Variants in ARHGAP26 observed in about 807,000 individuals in gnomAD.
The protein encoded by ARHGAP26 is rho GTPase-activating protein 26.
A neutral mutation model predicts 104.8 loss-of-function variants in ARHGAP26; 38 were observed. That is an observed-to-expected ratio of 0.36 (90% CI 0.28 to 0.48). The LOEUF is 0.48. Among genes scored for constraint, ARHGAP26 ranks in the 20% least tolerant of loss-of-function variants. The pLI is 0.99. For missense variants in ARHGAP26, 704 were observed against 947.9 expected (o/e 0.74, Z 3.38); for synonymous variants, 341 against 340.0 (o/e 1.00, Z -0.03).
intron 11 of ARHGAP26, among the ~76,000 whole-genome samples, chr5:143,013,452 T>C (rs1272551429): frequency 1.3e-5 from 2 of 152,226 alleles, no homozygotes; most frequent in Non-Finnish European, 2.9e-5. Flanking sequence ...CTTTTTGTGA[T>C]TTACATTATT....
chr5:143,185,463 T>C (rs76245298), intron 20 of ARHGAP26, among the ~76,000 whole-genome samples: 5,164 of 152,320 alleles, frequency 0.034, 304 homozygotes, highest in African/African-American at 0.12. Flanking sequence ...CTCCTTTTTT[T>C]CTTTTACCAA....
Position 143,227,737 on chromosome 5 carries a change from A to T in ARHGAP26, c.*5291A>T. ...GTCTTCCAGTGGAAGCACCTGTATT[A>T]TTGAGAGGAAAAAGTGTTGGATGCA... is the stretch of plus-strand genomic sequence containing the variant. On this transcript the variant is annotated 3_prime_UTR_variant, in exon 23 of 23. Transcript: ENST00000645722. The T allele has an allele frequency of 4.4e-6, 1 of 226,682 alleles. No individual in the cohort carries two copies. Among genetic ancestry groups the T allele is most frequent in the Non-Finnish European group, 8.8e-6 (1 of 113,988 alleles). 14.0% of individuals were successfully genotyped at this position (226,682 alleles called of 1,614,324 possible). A position where few individuals can be genotyped will look rare whatever the true frequency, so the allele number is the denominator to read the frequency against.
At chr5:143,155,988 T>C (rs1800425076) in intron 20 of ARHGAP26, among the ~76,000 whole-genome samples, 1 of 152,240 alleles carries the variant, frequency 6.6e-6, no homozygotes, top group Admixed American at 6.5e-5. Flanking sequence ...TTAGGCATTT[T>C]AAATCTCAAA....
chr5:143,207,415 C>T (rs891524472), intron 21 of ARHGAP26, 107 bp downstream of exon 21: 2 of 1,614,056 alleles, frequency 1.2e-6, no homozygotes, highest in African/African-American at 2.7e-5. Context: ...TGTTCCCTGC[C>T]ATCCAAACCT....
chr5:143,228,149 A>T lies in ARHGAP26; in HGVS notation c.*5703A>T. 4.4e-6 allele frequency: 1 copy of T among 226,202 alleles called. No individual in the cohort carries two copies. The highest frequency in any genetic ancestry group is 8.8e-6 in the Non-Finnish European group (1 of 113,694). The allele number at this position is 226,202 out of a possible 1,614,324, so 14.0% of individuals were successfully genotyped here. ...CAACCATTTCTACAAAGTTGTCCAG[A>T]CACCTAAAAGCAGCTTTCTTGGTTA... On this transcript the variant is annotated 3_prime_UTR_variant, in exon 23 of 23. Transcript: ENST00000645722.
Position 142,770,901 on chromosome 5 carries a change from T to C in ARHGAP26, c.140T>C (p.Ile47Thr), listed in dbSNP as rs147221601. 1.9e-6 allele frequency: 3 copies of C among 1,608,630 alleles called. No homozygotes were observed. Among genetic ancestry groups the C allele is most frequent in the African/African-American group, 2.7e-5 (2 of 74,480 alleles). ...KELIKDGKSL[I>T]SALKNLSSAK... ...CTCATCAAGGACGGGAAGTCACTCA[T>C]AAGCGCGCTCAAGAGTGAGTGTCCC... Residue 47 changes from isoleucine to threonine, a missense_variant, in exon 1 of 23, where the codon ATA (isoleucine) becomes ACA (threonine). By Grantham distance (89) the Ile-to-Thr change is moderately conservative. Transcript: ENST00000645722.
In ARHGAP26 at chr5:143,227,016, G is replaced by C. The variant is rs1811729506; in HGVS notation, c.*4570G>C. The C allele has an allele frequency of 4.4e-6, 1 of 228,922 alleles. No homozygotes were observed. The highest frequency in any genetic ancestry group is 5.7e-5 in the Admixed American group (1 of 17,644). The allele number at this position is 228,922 out of a possible 1,614,324, so 14.2% of individuals were successfully genotyped here. ...TGTCTTGACTGCAGAGGCTCCAAAAGCATTCACAGTTGAGGGGGAGAAAGA... is the reference window on the plus strand; with the variant it reads ...TGTCTTGACTGCAGAGGCTCCAAAACCATTCACAGTTGAGGGGGAGAAAGA... On this transcript the variant is annotated 3_prime_UTR_variant, in exon 23 of 23. Coordinates refer to ENST00000645722, the MANE Select transcript of ARHGAP26 (RefSeq NM_001135608.3).
intron 13 of ARHGAP26, among the ~76,000 whole-genome samples, chr5:143,041,008 G>C (rs1783380486): frequency 1.3e-5 from 2 of 152,232 alleles, no homozygotes; most frequent in Non-Finnish European, 2.9e-5. Context: ...ACTGGTTGAA[G>C]AATGGACATC....
intron 1 of ARHGAP26, among the ~76,000 whole-genome samples, chr5:142,826,281 C>T (rs1025484517): frequency 3.3e-5 from 5 of 152,182 alleles, no homozygotes; most frequent in Non-Finnish European, 7.3e-5. Flanking sequence ...ATTGTCCATA[C>T]ACTTGTCATG....
At chr5:143,097,275 G>A (rs74801894) in intron 17 of ARHGAP26, among the ~76,000 whole-genome samples, 1,561 of 150,466 alleles carry the variant, frequency 0.01, 33 homozygotes, top group East Asian at 0.086. Context: ...AACCTGGGAC[G>A]TGGAGGTTGC....
intron 14 of ARHGAP26, among the ~76,000 whole-genome samples, chr5:143,042,606 G>C (rs1783635797): frequency 6.6e-6 from 1 of 152,244 alleles, no homozygotes; most frequent in Non-Finnish European, 1.5e-5. Flanking sequence ...AAACAGATCA[G>C]GTTTCACAGA....
chr5:142,946,391 A>G (rs906959212), intron 11 of ARHGAP26, among the ~76,000 whole-genome samples: 1 of 152,152 alleles, frequency 6.6e-6, no homozygotes, highest in Non-Finnish European at 1.5e-5. Context: ...ACCCTCTTTC[A>G]GATATTGGGC....
intron 22 of ARHGAP26, among the ~76,000 whole-genome samples, chr5:143,216,995 TG>T (rs1364025353): frequency 6.6e-6 from 1 of 151,502 alleles, no homozygotes; most frequent in Non-Finnish European, 1.5e-5. Flanking sequence ...GTGGGTGGGG[TG>T]GGGGGTCTTT....
intron 14 of ARHGAP26, among the ~76,000 whole-genome samples, chr5:143,046,163 G>T (rs1259281959): frequency 6.6e-6 from 1 of 151,882 alleles, no homozygotes; most frequent in Admixed American, 6.6e-5. Context: ...AAATTAGCCG[G>T]GTGTGGTGGT....
Position 142,962,494 on chromosome 5 carries a change from C to T in ARHGAP26, c.1107+30369C>T, listed in dbSNP as rs558946203. On this transcript the variant is annotated intron_variant, in intron 11 of 22. Coordinates refer to ENST00000645722, the MANE Select transcript of ARHGAP26 (RefSeq NM_001135608.3). ...TCATTGTTGAATAATAATATGATAA[C>T]GGATACAGGGCATCTTTATAGTCTT... is the stretch of plus-strand genomic sequence containing the variant. 3.8e-4 allele frequency among the ~76,000 whole-genome samples: 58 copies of T among 152,270 alleles called. No individual in the cohort carries two copies. In the South Asian group the frequency reaches 9.3e-3, roughly 24 times the overall value.
At chr5:143,083,179 A>G (rs1790059159) in intron 17 of ARHGAP26, among the ~76,000 whole-genome samples, 2 of 152,080 alleles carry the variant, frequency 1.3e-5, no homozygotes, top group African/African-American at 4.8e-5. Context: ...TTTCCTAGCT[A>G]TGAGCTAGTT....
At chr5:143,068,252 G>T (rs1787789910) in intron 17 of ARHGAP26, among the ~76,000 whole-genome samples, 1 of 152,206 alleles carries the variant, frequency 6.6e-6, no homozygotes, top group Non-Finnish European at 1.5e-5. Flanking sequence ...TGAACCATCA[G>T]ACATCGCAAA....
intron 11 of ARHGAP26, among the ~76,000 whole-genome samples, chr5:142,949,453 A>G (rs185717845): frequency 3.4e-4 from 51 of 152,152 alleles, no homozygotes; most frequent in African/African-American, 9.6e-4. Flanking sequence ...TCCTTTTGCT[A>G]TTCTTTGGTT....
chr5:142,915,399 C>T (rs1299685955), intron 10 of ARHGAP26: 2 of 151,196 alleles, frequency 1.3e-5, no homozygotes, highest in African/African-American at 4.9e-5. Flanking sequence ...TGCTCTGTCA[C>T]CCAGGCTGGA....
Sources: allele counts gnomAD v4.1 joint callset (sites outside exome capture counted in the v4.1 genomes callset), GRCh38; gene constraint gnomAD v4.1.1; transcripts MANE v1.5; gene names NCBI Gene and HGNC (gene_info 2026-07-23, HGNC 2026-07-21).